Variants in BCAS3 observed in about 807,000 individuals in gnomAD.
The protein encoded by BCAS3 is BCAS4/BCAS3 fusion.
Under a neutral mutation model 116.1 loss-of-function variants are expected in BCAS3, and 53 were observed. That is an observed-to-expected ratio of 0.46 (90% CI 0.37 to 0.57). The LOEUF is 0.57. Ranked by LOEUF, BCAS3 falls within the 20% of genes least tolerant of loss-of-function variation. The pLI, the probability that BCAS3 is intolerant of heterozygous loss-of-function variation, is 0.00. For synonymous variants in BCAS3, 391 were observed against 408.2 expected (o/e 0.96, Z 0.51); for missense variants, 917 against 1,165.4 (o/e 0.79, Z 3.10).
intron 10 of BCAS3, among the ~76,000 whole-genome samples, chr17:60,892,006 T>A (rs1445985281): frequency 6.6e-6 from 1 of 152,210 alleles, no homozygotes; most frequent in Admixed American, 6.5e-5. Context: ...TGCAAAGTAT[T>A]CCATGGTGTG....
intron 2 of BCAS3, among the ~76,000 whole-genome samples, chr17:60,681,807 G>A (rs1480261916): frequency 2.6e-5 from 4 of 152,050 alleles, no homozygotes; most frequent in South Asian, 2.1e-4. Flanking sequence ...TCGGCTCACC[G>A]CAACCTCCGC....
rs1598533357 is a variant in BCAS3, at chr17:60,763,323, G to C, written c.403+16044G>C. Reference sequence around the variant, plus strand: ...TTTTTGCCCATTCAGTATGATACTGGCTGTGGGTTTGTCTTAAATGGCTCT... The same window carrying C: ...TTTTTGCCCATTCAGTATGATACTGCCTGTGGGTTTGTCTTAAATGGCTCT... On this transcript the variant is annotated intron_variant, in intron 6 of 23. Transcript: ENST00000407086. 2.6e-5 allele frequency among the ~76,000 whole-genome samples: 4 copies of C among 152,290 alleles called. No homozygotes were observed. The East Asian group carries it at 7.7e-4, about 29-fold the overall frequency.
chr17:61,063,458 C>T lies in BCAS3; in HGVS notation c.2030-11462C>T, dbSNP rs1273107300. Among the ~76,000 whole-genome samples, 5 of 151,922 alleles carry T rather than the reference C, an allele frequency of 3.3e-5. No individual in the cohort carries two copies. Among genetic ancestry groups the T allele is most frequent in the South Asian group, 2.1e-4 (1 of 4,808 alleles). ...TAATTTTTTATATTTTTAGTAGAGA[C>T]GGAGTTTCACCATGTTAGCCAGGAT... is the stretch of plus-strand genomic sequence containing the variant. On this transcript the variant is annotated intron_variant, in intron 19 of 23. Coordinates refer to ENST00000407086, the MANE Select transcript of BCAS3 (RefSeq NM_017679.5). The surrounding 1 kb of genome is among the most constrained non-coding windows in gnomAD (Gnocchi z 5.3).
chr17:60,778,054 G>T (rs2045472396), intron 6 of BCAS3, among the ~76,000 whole-genome samples: 1 of 152,054 alleles, frequency 6.6e-6, no homozygotes, highest in African/African-American at 2.4e-5. Flanking sequence ...GTTGAGTTTA[G>T]ATAGTTCTTT....
chr17:60,809,270 C>CA (rs539614540), intron 7 of BCAS3, among the ~76,000 whole-genome samples: 7,152 of 73,606 alleles, frequency 0.097, 339 homozygotes, highest in Middle Eastern at 0.26. Context: ...GACTCTGTCT[C>CA]AAAAAAAAAA....
chr17:60,913,838 AG>A (rs1945715531), intron 12 of BCAS3, among the ~76,000 whole-genome samples: 1 of 152,152 alleles, frequency 6.6e-6, no homozygotes, highest in Non-Finnish European at 1.5e-5. Context: ...TGTATTAAGA[AG>A]AAATGGATTT....
chr17:61,072,164 C>G lies in BCAS3; in HGVS notation c.2030-2756C>G, dbSNP rs188105913. On this transcript the variant is annotated intron_variant, in intron 19 of 23. Coordinates refer to ENST00000407086, the MANE Select transcript of BCAS3 (RefSeq NM_017679.5). Reference sequence around the variant, plus strand: ...CTATTTCTAGATGTATATTTGGAATCTTTATTACTTCCTTTGGAAAGTTAA... The same window carrying G: ...CTATTTCTAGATGTATATTTGGAATGTTTATTACTTCCTTTGGAAAGTTAA... Among the ~76,000 whole-genome samples, 200 of 152,176 alleles carry G rather than the reference C, an allele frequency of 1.3e-3. 1 individual carries two copies. The highest frequency in any genetic ancestry group is 2.1e-3 in the Admixed American group (32 of 15,264).
At chr17:60,932,900 A>G (rs2059733446) in intron 13 of BCAS3, among the ~76,000 whole-genome samples, 1 of 151,736 alleles carries the variant, frequency 6.6e-6, no homozygotes, top group Non-Finnish European at 1.5e-5. Context: ...GGAGGCTGGA[A>G]GCGGTGGCTC....
intron 13 of BCAS3, among the ~76,000 whole-genome samples, chr17:60,932,028 G>A (rs777144044): frequency 7.9e-5 from 12 of 151,966 alleles, no homozygotes; most frequent in Admixed American, 2.0e-4. Context: ...AGCTGAGATC[G>A]CGCCACTGTG....
chr17:61,097,272 G>A lies in BCAS3; in HGVS notation c.2425+12708G>A, dbSNP rs759315620. Among the ~76,000 whole-genome samples, 49 of 152,162 alleles carry A rather than the reference G, an allele frequency of 3.2e-4. No individual in the cohort carries two copies. Among genetic ancestry groups the A allele is most frequent in the Non-Finnish European group, 2.4e-4 (16 of 68,014 alleles). ...CGGCTCACTGCAAGCTCCACCTCCC[G>A]GGTTCATGCCATTCTCTTGCCTCAG... On this transcript the variant is annotated intron_variant, in intron 22 of 23. Coordinates refer to ENST00000407086, the MANE Select transcript of BCAS3 (RefSeq NM_017679.5). This position sits in a 1 kb window ranked among gnomAD's most constrained non-coding sequence, Gnocchi z 4.0.
intron 5 of BCAS3, among the ~76,000 whole-genome samples, chr17:60,739,607 C>A (rs1334218713): frequency 6.6e-6 from 1 of 151,700 alleles, no homozygotes; most frequent in Non-Finnish European, 1.5e-5. Context: ...GCGACAAGAG[C>A]AAAACTCTGT....
intron 6 of BCAS3, among the ~76,000 whole-genome samples, chr17:60,797,439 T>G (rs1002403177): frequency 2.0e-5 from 3 of 151,566 alleles, no homozygotes; most frequent in African/African-American, 7.3e-5. Context: ...GGCCTTGAGC[T>G]CCTGGGCCCA....
chr17:60,735,283 C>T (rs1281880345), intron 5 of BCAS3, among the ~76,000 whole-genome samples: 1 of 151,864 alleles, frequency 6.6e-6, no homozygotes, highest in Non-Finnish European at 1.5e-5. Context: ...TTCTTTCTTT[C>T]TTTCCCATTT....
At position 60,897,908 on chromosome 17, in the gene BCAS3, A is replaced by AT. The variant is rs61465299; in HGVS notation, c.739-4701dup. Reference sequence around the variant, plus strand: ...TTTTTTTAATTTTTATTTTATTTTTATTTTTTTTTTTGGTAGAGATAGGGT... The same window carrying AT: ...TTTTTTTAATTTTTATTTTATTTTTATTTTTTTTTTTTGGTAGAGATAGGGT... On this transcript the variant is annotated intron_variant, in intron 10 of 23. Coordinates refer to ENST00000407086, the MANE Select transcript of BCAS3 (RefSeq NM_017679.5). Among the ~76,000 whole-genome samples the AT allele has an allele frequency of 7.9e-4, 115 of 145,554 alleles. 1 individual carries two copies. The highest frequency in any genetic ancestry group is 3.5e-3 in the Middle Eastern group (1 of 284).
chr17:60,825,475 C>T (rs1044636756), intron 7 of BCAS3, among the ~76,000 whole-genome samples: 4 of 147,884 alleles, frequency 2.7e-5, no homozygotes, highest in Non-Finnish European at 4.5e-5. Context: ...AACAAAATAC[C>T]ACAAACTTGG....
intron 15 of BCAS3, among the ~76,000 whole-genome samples, chr17:60,998,232 C>A (rs55776710): frequency 0.072 from 10,893 of 152,164 alleles, 1,179 homozygotes; most frequent in African/African-American, 0.23. Context: ...CACATTTAAA[C>A]AATCTAATCC....
intron 13 of BCAS3, among the ~76,000 whole-genome samples, chr17:60,927,170 C>A (rs1441883004): frequency 6.6e-6 from 1 of 152,016 alleles, no homozygotes; most frequent in Non-Finnish European, 1.5e-5. Flanking sequence ...ATGGTAGTCT[C>A]TATTTTGACA....
chr17:60,912,310 C>T (rs1326918409), intron 12 of BCAS3, among the ~76,000 whole-genome samples: 1 of 151,970 alleles, frequency 6.6e-6, no homozygotes, highest in Non-Finnish European at 1.5e-5. Context: ...TGCTTAGAAA[C>T]TATGTGAGCT....
intron 22 of BCAS3, among the ~76,000 whole-genome samples, chr17:61,091,292 C>T (rs1050070330): frequency 2.0e-4 from 31 of 152,158 alleles, no homozygotes; most frequent in African/African-American, 7.5e-4. Context: ...TTACATGGGA[C>T]TTTTTGACCA....
Sources: gnomAD v4.1 joint callset for allele counts (sites outside exome capture counted in the v4.1 genomes callset) on GRCh38, gnomAD v4.1.1 for gene constraint, Gnocchi (gnomAD v3.1) non-coding constraint, MANE v1.5 for transcripts, NCBI Gene and HGNC (gene_info 2026-07-23, HGNC 2026-07-21) for gene names.